CTNNA3: variants seen among roughly 807,000 people sequenced by gnomAD.
The protein encoded by CTNNA3 is catenin alpha-3.
CTNNA3 carries 76 observed loss-of-function variants against 95.7 expected under a neutral mutation model. That is an observed-to-expected ratio of 0.79 (90% CI 0.66 to 0.96). CTNNA3 has a LOEUF of 0.96. CTNNA3 is among the 40% of genes least tolerant of loss of function. The pLI is 0.00. For missense variants in CTNNA3, 1,191 were observed against 1,089.8 expected, an observed-to-expected ratio of 1.09 and a Z score of -1.31; for synonymous variants, 431 against 374.4, an observed-to-expected ratio of 1.15 and a Z score of -1.74.
intron 7 of CTNNA3, among the ~76,000 whole-genome samples, chr10:66,924,272 T>A (rs1846945520): frequency 6.6e-6 from 1 of 152,202 alleles, no homozygotes; most frequent in South Asian, 2.1e-4. Context: ...TTGTACTATA[T>A]CTGTAGGACC....
At chr10:67,519,114 C>T (rs1839907135) in intron 5 of CTNNA3, among the ~76,000 whole-genome samples, 1 of 152,218 alleles carries the variant, frequency 6.6e-6, no homozygotes, top group South Asian at 2.1e-4. Flanking sequence ...CAGGCACTCA[C>T]TCTTTTAAAT....
chr10:66,017,971 G>A (rs965108673), intron 15 of CTNNA3, among the ~76,000 whole-genome samples: 3 of 151,930 alleles, frequency 2.0e-5, no homozygotes, highest in Non-Finnish European at 2.9e-5. Flanking sequence ...GTATATGAAA[G>A]CCCATGAGCT....
intron 5 of CTNNA3, among the ~76,000 whole-genome samples, chr10:67,249,728 A>G (rs1866034272): frequency 6.6e-6 from 1 of 152,234 alleles, no homozygotes. Flanking sequence ...TGGCAGCTCC[A>G]GGTGCAAGGC....
intron 5 of CTNNA3, among the ~76,000 whole-genome samples, chr10:67,248,908 C>T (rs938179448): frequency 2.0e-5 from 3 of 152,088 alleles, no homozygotes; most frequent in African/African-American, 7.2e-5. Flanking sequence ...AAGGTCATTG[C>T]CAAGGTCTGA....
At chr10:67,373,025 C>A (rs1843541386) in intron 5 of CTNNA3, among the ~76,000 whole-genome samples, 1 of 152,114 alleles carries the variant, frequency 6.6e-6, no homozygotes, top group Non-Finnish European at 1.5e-5. Flanking sequence ...CAAAAACATG[C>A]CAAATTGTAA....
At chr10:67,015,481 T>C (rs1485911603) in intron 7 of CTNNA3, 2 of 152,158 alleles carry the variant, frequency 1.3e-5, no homozygotes, top group African/African-American at 4.8e-5. Context: ...CAGAATTGTG[T>C]AGTAATTGCT....
At chr10:65,926,166 G>A (rs886203762) in intron 17 of CTNNA3, among the ~76,000 whole-genome samples, 1 of 151,180 alleles carries the variant, frequency 6.6e-6, no homozygotes, top group Admixed American at 6.6e-5. Flanking sequence ...ACATTTATAA[G>A]ATCAATTATT....
intron 1 of CTNNA3, among the ~76,000 whole-genome samples, chr10:67,727,142 A>T (rs542553291): frequency 1.6e-5 from 2 of 122,928 alleles, no homozygotes; most frequent in South Asian, 4.6e-4. Flanking sequence ...TATATGATAC[A>T]TATATTATAT....
intron 15 of CTNNA3, among the ~76,000 whole-genome samples, chr10:66,025,755 C>G (rs989554484): frequency 6.6e-6 from 1 of 152,030 alleles, no homozygotes; most frequent in East Asian, 1.9e-4. Context: ...TATATCAAGC[C>G]CTACTAAAAA....
At chr10:67,641,485 G>C (rs1337033382) in intron 2 of CTNNA3, among the ~76,000 whole-genome samples, 1 of 152,158 alleles carries the variant, frequency 6.6e-6, no homozygotes, top group Non-Finnish European at 1.5e-5. Flanking sequence ...AATACCATTT[G>C]ACCCAGCCAT....
intron 7 of CTNNA3, among the ~76,000 whole-genome samples, chr10:66,832,246 A>T (rs1350307037): frequency 2.0e-5 from 3 of 152,174 alleles, no homozygotes; most frequent in Admixed American, 1.3e-4. Context: ...GAGGTCTGAG[A>T]CCCTGTATAT....
In CTNNA3 at chr10:66,365,050, T is replaced by C. The variant is rs150144245; in HGVS notation, c.1732+14102A>G. ...TGTATGTCAGGTCCTTTGCTAATGTTTCCAGTATTAAATGTCAGGCGAGAA... is the reference window on the plus strand; with the variant it reads ...TGTATGTCAGGTCCTTTGCTAATGTCTCCAGTATTAAATGTCAGGCGAGAA... On this transcript the variant is annotated intron_variant, in intron 12 of 17. Coordinates refer to ENST00000433211, the MANE Select transcript of CTNNA3 (RefSeq NM_013266.4). Among the ~76,000 whole-genome samples, 7 of 152,270 alleles carry C rather than the reference T, an allele frequency of 4.6e-5. No homozygotes were observed. The East Asian group carries it at 9.7e-4, about 21-fold the overall frequency.
At chr10:66,489,580 T>G (rs1001968560) in intron 11 of CTNNA3, among the ~76,000 whole-genome samples, 3 of 152,040 alleles carry the variant, frequency 2.0e-5, no homozygotes, top group Middle Eastern at 3.5e-3. Context: ...ACACACACAC[T>G]TGTGCATGCA....
intron 5 of CTNNA3, among the ~76,000 whole-genome samples, chr10:67,387,929 C>A (rs1244301083): frequency 1.3e-5 from 2 of 151,980 alleles, no homozygotes; most frequent in Non-Finnish European, 2.9e-5. Flanking sequence ...TCATCAAAGA[C>A]CAAAAGTAGA....
At chr10:67,466,712 A>C (rs1847608560) in intron 5 of CTNNA3, among the ~76,000 whole-genome samples, 1 of 151,552 alleles carries the variant, frequency 6.6e-6, no homozygotes, top group Admixed American at 6.6e-5. Flanking sequence ...TTGAAAATCT[A>C]AATAATATCT....
intron 15 of CTNNA3, among the ~76,000 whole-genome samples, chr10:66,019,396 G>A (rs536585448): frequency 1.2e-4 from 18 of 152,016 alleles, no homozygotes; most frequent in African/African-American, 3.6e-4. Flanking sequence ...CCTATCTTTC[G>A]CTTGCCTTCA....
intron 10 of CTNNA3, among the ~76,000 whole-genome samples, chr10:66,563,140 GTTA>G (rs1842603556): frequency 6.6e-6 from 1 of 152,014 alleles, no homozygotes; most frequent in Non-Finnish European, 1.5e-5. Context: ...TAATTGCAAA[GTTA>G]ATAATTATAT....
In CTNNA3 at chr10:66,103,361, C is replaced by A. The variant is rs534659353; in HGVS notation, c.1885-112G>T. 423 of 750,084 alleles carry A rather than the reference C, an allele frequency of 5.6e-4. 2 individuals carry two copies. Among genetic ancestry groups the A allele is most frequent in the Middle Eastern group, 2.1e-3 (9 of 4,330 alleles). 46.5% of individuals were successfully genotyped at this position (750,084 alleles called of 1,614,324 possible). The stretch of plus-strand genomic sequence containing the variant: ...ATCATAAAGTTACCATATGACCCAG[C>A]AATTTCACTCCCAGTTATATACTCA... On this transcript the variant is annotated intron_variant, in intron 13 of 17. Coordinates refer to ENST00000433211, the MANE Select transcript of CTNNA3 (RefSeq NM_013266.4).
chr10:67,229,274 T>C (rs535036751), intron 5 of CTNNA3, among the ~76,000 whole-genome samples: 2 of 152,288 alleles, frequency 1.3e-5, no homozygotes, highest in Admixed American at 6.5e-5. Flanking sequence ...AGGATCCATT[T>C]ATAATTAAAA....
Sources: allele counts gnomAD v4.1 joint callset (sites outside exome capture counted in the v4.1 genomes callset), GRCh38; gene constraint gnomAD v4.1.1; transcripts MANE v1.5; gene names NCBI Gene and HGNC (gene_info 2026-07-23, HGNC 2026-07-21).